NR1D2: variants seen among roughly 807,000 people sequenced by gnomAD.
NR1D2 encodes the protein nuclear receptor subfamily 1 group D member 2, also known as V-erbA-related protein 1-related.
A neutral mutation model predicts 52.2 loss-of-function variants in NR1D2; 25 were observed. That is an observed-to-expected ratio of 0.48 (90% CI 0.35 to 0.67). The LOEUF is 0.67. Ranked by LOEUF, NR1D2 falls within the 30% of genes least tolerant of loss-of-function variation. The probability of loss-of-function intolerance (pLI) is 0.01; values close to 1 mark genes in which losing one functional copy is unlikely to be tolerated. For synonymous variants in NR1D2, 259 were observed against 230.1 expected (o/e 1.13, Z -1.14); for missense variants, 681 against 707.2 (o/e 0.96, Z 0.42).
intron 7 of NR1D2, among the ~76,000 whole-genome samples, chr3:23,973,274 T>C (rs1443107195): frequency 6.6e-6 from 1 of 152,236 alleles, no homozygotes; most frequent in Non-Finnish European, 1.5e-5. Context: ...AATTTTGTCA[T>C]TGTGTGAACA....
At position 23,947,344 on chromosome 3, in the gene NR1D2, G is replaced by A. The variant is rs562577187; in HGVS notation, c.16+1750G>A. On this transcript the variant is annotated intron_variant, in intron 1 of 7. Coordinates refer to ENST00000312521, the MANE Select transcript of NR1D2 (RefSeq NM_005126.5). Reference sequence around the variant, plus strand: ...AAGGCACATTATAAAAATTCCTCCGGATGAATGTTGACCATCCCCTTCCCC... The same window carrying A: ...AAGGCACATTATAAAAATTCCTCCGAATGAATGTTGACCATCCCCTTCCCC... Among the ~76,000 whole-genome samples, 346 of 152,272 alleles carry A rather than the reference G, an allele frequency of 2.3e-3. 1 individual carries two copies. The highest frequency in any genetic ancestry group is 3.9e-3 in the Non-Finnish European group (265 of 68,024).
chr3:23,977,895 C>T lies in NR1D2; in HGVS notation c.*476C>T, dbSNP rs954450604. 3.3e-5 allele frequency: 5 copies of T among 150,956 alleles called. No individual in the cohort carries two copies. The highest frequency in any genetic ancestry group is 1.2e-4 in the African/African-American group (5 of 40,162). 9.4% of individuals were successfully genotyped at this position (150,956 alleles called of 1,614,324 possible). ...TAGGAGATCTCCATGTCTGTATTTA[C>T]TCTACCACTGCTAAAGTGTGTGGTC... On this transcript the variant is annotated 3_prime_UTR_variant, in exon 8 of 8. Transcript: ENST00000312521.
intron 7 of NR1D2, among the ~76,000 whole-genome samples, chr3:23,969,959 C>T (rs1387873938): frequency 1.3e-5 from 2 of 152,070 alleles, no homozygotes; most frequent in African/African-American, 4.8e-5. Context: ...CTGGAGTGTA[C>T]ATCAAGGAGG....
At chr3:23,946,053 G>C in intron 1 of NR1D2, 1 of 970,418 alleles carries the variant, frequency 1.0e-6, no homozygotes, top group South Asian at 4.8e-5. Context: ...GCGCTGGCTG[G>C]GAGCGCCGCA....
At chr3:23,955,388 A>C (rs1327952647) in intron 2 of NR1D2, among the ~76,000 whole-genome samples, 1 of 152,156 alleles carries the variant, frequency 6.6e-6, no homozygotes, top group Non-Finnish European at 1.5e-5. Context: ...GTATAAAGTA[A>C]CTCTAAATTT....
intron 7 of NR1D2, among the ~76,000 whole-genome samples, chr3:23,976,057 T>A (rs1575162340): frequency 6.6e-6 from 1 of 152,358 alleles, no homozygotes; most frequent in Non-Finnish European, 1.5e-5. Flanking sequence ...CCTCCTGTTG[T>A]AAAGGGAAAA....
At chr3:23,953,188 C>CA (rs1450759026) in intron 1 of NR1D2, among the ~76,000 whole-genome samples, 6 of 150,412 alleles carry the variant, frequency 4.0e-5, no homozygotes, top group African/African-American at 1.5e-4. Flanking sequence ...AAAAAAAATA[C>CA]AAAAATTGGC....
intron 7 of NR1D2, 35 bp from the exon 8 acceptor site, chr3:23,977,188 G>GT: frequency 8.5e-7 from 1 of 1,179,304 alleles, no homozygotes; most frequent in Non-Finnish European, 1.1e-6. Context: ...AATTTATCCT[G>GT]TTTTTCCTAT....
At chr3:23,949,408 C>A (rs1445290684) in intron 1 of NR1D2, among the ~76,000 whole-genome samples, 1 of 151,758 alleles carries the variant, frequency 6.6e-6, no homozygotes, top group Non-Finnish European at 1.5e-5. Context: ...TTTTGTGTCA[C>A]CCTATTTAAA....
chr3:23,958,959 GCAAA>G (rs1045766064), intron 3 of NR1D2, among the ~76,000 whole-genome samples: 4 of 151,902 alleles, frequency 2.6e-5, no homozygotes, highest in African/African-American at 7.3e-5. Flanking sequence ...AAGAAAGCAA[GCAAA>G]CAAACAAACA....
At chr3:23,965,276 G>A in intron 6 of NR1D2, 114 bp downstream of exon 6, 1 of 779,762 alleles carries the variant, frequency 1.3e-6, no homozygotes, top group Non-Finnish European at 1.9e-6. Context: ...ATCCTGCTCT[G>A]TCACCCAGGC....
intron 6 of NR1D2, among the ~76,000 whole-genome samples, chr3:23,966,784 C>A (rs1012300334): frequency 3.9e-5 from 6 of 152,166 alleles, no homozygotes; most frequent in African/African-American, 1.4e-4. Flanking sequence ...AATCCCAGCA[C>A]TTTGGGAGGC....
At chr3:23,954,370 GA>G (rs1706028368) in intron 1 of NR1D2, among the ~76,000 whole-genome samples, 166 bp from the exon 2 acceptor site, 1 of 152,136 alleles carries the variant, frequency 6.6e-6, no homozygotes, top group Non-Finnish European at 1.5e-5. Context: ...GAAGCAGGAC[GA>G]ATAATGGGAA....
intron 1 of NR1D2, among the ~76,000 whole-genome samples, chr3:23,949,052 A>G (rs1486018072): frequency 4.6e-5 from 7 of 152,318 alleles, no homozygotes; most frequent in African/African-American, 1.7e-4. Context: ...GGAGATAAAA[A>G]TAATGTCTAT....
intron 1 of NR1D2, chr3:23,946,317 G>A (rs750336980): frequency 1.5e-5 from 15 of 983,478 alleles, no homozygotes; most frequent in African/African-American, 1.7e-5. Flanking sequence ...GCTGGTAGCT[G>A]CATACCTTGC....
At chr3:23,977,055 C>T (rs981355719) in intron 7 of NR1D2, among the ~76,000 whole-genome samples, 168 bp from the exon 8 acceptor site, 3 of 152,052 alleles carry the variant, frequency 2.0e-5, no homozygotes, top group African/African-American at 4.8e-5. Context: ...AACTAGCTAA[C>T]GATTTGTTAC....
intron 5 of NR1D2, 86 bp from the exon 6 acceptor site, chr3:23,964,891 G>A: frequency 3.4e-6 from 3 of 879,174 alleles, no homozygotes; most frequent in Non-Finnish European, 5.3e-6. Flanking sequence ...AATTCATGTT[G>A]GGGTTTCTGA....
In NR1D2 at chr3:23,980,306, CAAG is replaced by C. The variant is rs1477277403; in HGVS notation, c.*2892_*2894del. ...TCCAATATAAAGTTTGCTGAATGTACAAGAAGAGTTTATCACTTAGGATATAGA... is the reference window on the plus strand; with the variant it reads ...TCCAATATAAAGTTTGCTGAATGTACAAGAGTTTATCACTTAGGATATAGA... On this transcript the variant is annotated 3_prime_UTR_variant, in exon 8 of 8. Coordinates refer to ENST00000312521, the MANE Select transcript of NR1D2 (RefSeq NM_005126.5). 6.6e-6 allele frequency: 1 copy of C among 151,814 alleles called. No individual in the cohort carries two copies. The highest frequency in any genetic ancestry group is 2.4e-5 in the African/African-American group (1 of 41,302). The allele number at this position is 151,814 out of a possible 1,614,324, so 9.4% of individuals were successfully genotyped here. A position where few individuals can be genotyped will look rare whatever the true frequency, so the allele number is the denominator to read the frequency against.
intron 7 of NR1D2, among the ~76,000 whole-genome samples, chr3:23,973,908 C>A (rs905070975): frequency 6.6e-6 from 1 of 151,950 alleles, no homozygotes; most frequent in Non-Finnish European, 1.5e-5. Flanking sequence ...TAGGCCTACA[C>A]AGGCTCATCA....
Sources: allele counts gnomAD v4.1 joint callset (sites outside exome capture counted in the v4.1 genomes callset), GRCh38; gene constraint gnomAD v4.1.1; transcripts MANE v1.5; gene names NCBI Gene and HGNC (gene_info 2026-07-23, HGNC 2026-07-21).